Variants in CCDC150 observed in about 807,000 individuals in gnomAD.
CCDC150 encodes coiled-coil domain containing 150, also known as coiled-coil domain-containing protein 150.
Under a neutral mutation model 156.5 loss-of-function variants are expected in CCDC150, and 151 were observed. The ratio of observed to expected loss-of-function variants is 0.97; its 90% CI spans 0.85 to 1.10. CCDC150 has a LOEUF of 1.10. Among genes scored for constraint, CCDC150 ranks in the 50% least tolerant of loss-of-function variants. The pLI, the probability that CCDC150 is intolerant of heterozygous loss-of-function variation, is 0.00. For synonymous variants in CCDC150, 452 were observed against 429.4 expected, an observed-to-expected ratio of 1.05 and a Z score of -0.65; for missense variants, 1,312 against 1,268.1, an observed-to-expected ratio of 1.03 and a Z score of -0.53.
intron 20 of CCDC150, among the ~76,000 whole-genome samples, 196 bp downstream of exon 20, chr2:196,720,864 C>A (rs1042498742): frequency 1.3e-5 from 2 of 152,014 alleles, no homozygotes; most frequent in Non-Finnish European, 2.9e-5. Flanking sequence ...ACCAGTACCA[C>A]AATAATGACT....
intron 2 of CCDC150, among the ~76,000 whole-genome samples, chr2:196,653,634 A>C (rs1209413659): frequency 6.6e-6 from 1 of 152,150 alleles, no homozygotes; most frequent in African/African-American, 2.4e-5. Context: ...TTTCATCACA[A>C]GCACTTAAGT....
intron 17 of CCDC150, 67 bp downstream of exon 17, chr2:196,712,806 C>A: frequency 2.6e-6 from 3 of 1,162,340 alleles, no homozygotes; most frequent in African/African-American, 1.5e-5. Flanking sequence ...TTTCATAGTT[C>A]ACATAATATT....
At chr2:196,683,441 A>G (rs1014335565) in intron 13 of CCDC150, among the ~76,000 whole-genome samples, 2 of 152,044 alleles carry the variant, frequency 1.3e-5, no homozygotes, top group African/African-American at 4.8e-5. Context: ...TTTTGCATCT[A>G]TATTCATAAG....
At chr2:196,645,435 A>G (rs1692481147) in intron 1 of CCDC150, among the ~76,000 whole-genome samples, 1 of 152,200 alleles carries the variant, frequency 6.6e-6, no homozygotes, top group South Asian at 2.1e-4. Context: ...CCCAAGTTGG[A>G]CCCTTGTGAA....
At chr2:196,661,500 A>C (rs1014569161) in intron 5 of CCDC150, among the ~76,000 whole-genome samples, 1 of 152,114 alleles carries the variant, frequency 6.6e-6, no homozygotes, top group African/African-American at 2.4e-5. Context: ...GTCCACCCCA[A>C]TGGCTTCATT....
intron 1 of CCDC150, among the ~76,000 whole-genome samples, chr2:196,643,902 A>G (rs1293511089): frequency 6.6e-6 from 1 of 152,180 alleles, no homozygotes; most frequent in East Asian, 1.9e-4. Context: ...TTTATCTCAC[A>G]TAAGCAGAGT....
chr2:196,640,822 TC>T (rs1384930510), intron 1 of CCDC150, among the ~76,000 whole-genome samples: 1 of 152,246 alleles, frequency 6.6e-6, no homozygotes, highest in Non-Finnish European at 1.5e-5. Flanking sequence ...CTTTTGTTCT[TC>T]CACCATTTGG....
At chr2:196,686,257 C>T (rs1234242411) in intron 13 of CCDC150, 2 of 247,414 alleles carry the variant, frequency 8.1e-6, no homozygotes, top group Non-Finnish European at 1.6e-5. Flanking sequence ...TTATGTCAGG[C>T]TTGGGCTGCC....
chr2:196,646,505 GT>G lies in CCDC150; in HGVS notation c.176+2del. 6.2e-7 allele frequency: 1 copy of G among 1,612,586 alleles called. No homozygotes were observed. Among genetic ancestry groups the G allele is most frequent in the Non-Finnish European group, 8.5e-7 (1 of 1,178,898 alleles). Reference sequence around the variant, plus strand: ...TAATGTTGGATTTTGGTGAAAAAAGGTAACAAAAATGAACTACATCTCTGTA... The same window carrying G: ...TAATGTTGGATTTTGGTGAAAAAAGGAACAAAAATGAACTACATCTCTGTA... On this transcript the variant is annotated splice_donor_variant, in intron 2 of 27. Coordinates refer to ENST00000389175, the MANE Select transcript of CCDC150 (RefSeq NM_001080539.2). LOFTEE classifies it high-confidence loss of function.
chr2:196,661,550 G>A (rs146065255), intron 5 of CCDC150, among the ~76,000 whole-genome samples: 27 of 152,308 alleles, frequency 1.8e-4, no homozygotes, highest in Admixed American at 3.3e-4. Context: ...TCTCCAAATA[G>A]AGTCTCATTG....
intron 13 of CCDC150, among the ~76,000 whole-genome samples, chr2:196,680,970 T>C (rs1369589910): frequency 6.6e-6 from 1 of 152,226 alleles, no homozygotes; most frequent in African/African-American, 2.4e-5. Flanking sequence ...ATTCACATAA[T>C]ATAAAATTAG....
chr2:196,718,406 A>G, intron 17 of CCDC150, 97 bp from the exon 18 acceptor site: 1 of 967,676 alleles, frequency 1.0e-6, no homozygotes, highest in Non-Finnish European at 1.5e-6. Context: ...TAGTGAATAA[A>G]TATATTTAAA....
At chr2:196,664,107 T>C (rs1693708861) in intron 5 of CCDC150, among the ~76,000 whole-genome samples, 1 of 152,186 alleles carries the variant, frequency 6.6e-6, no homozygotes, top group Non-Finnish European at 1.5e-5. Context: ...AAAGTGTGTT[T>C]TTCTACTCTC....
At chr2:196,656,205 G>A (rs2125583284) in intron 2 of CCDC150, among the ~76,000 whole-genome samples, 1 of 152,242 alleles carries the variant, frequency 6.6e-6, no homozygotes, top group African/African-American at 2.4e-5. Context: ...GCCACACTGT[G>A]GGGAATCTTA....
intron 13 of CCDC150, among the ~76,000 whole-genome samples, chr2:196,689,956 G>A (rs375695420): frequency 1.3e-5 from 2 of 152,086 alleles, no homozygotes; most frequent in African/African-American, 4.8e-5. Context: ...TTAGCATGAA[G>A]GGTTGTTGAA....
intron 9 of CCDC150, among the ~76,000 whole-genome samples, chr2:196,673,788 G>A (rs542610848): frequency 2.5e-4 from 38 of 152,220 alleles, no homozygotes; most frequent in African/African-American, 7.0e-4. Flanking sequence ...GATTAATCTC[G>A]TGATGGTAAA....
chr2:196,644,154 G>C (rs1692397812), intron 1 of CCDC150, among the ~76,000 whole-genome samples: 1 of 151,964 alleles, frequency 6.6e-6, no homozygotes, highest in South Asian at 2.1e-4. Flanking sequence ...GCAAACTTCT[G>C]CCCAAAGTCT....
rs1191054836 is a variant in CCDC150 at position 196,689,280 on chromosome 2, G to A, written c.1510-5766G>A. 9.2e-5 allele frequency among the ~76,000 whole-genome samples: 14 copies of A among 152,126 alleles called. No homozygotes were observed. The South Asian group carries it at 1.0e-3, about 11-fold the overall frequency. ...AAAGTAGTTTTTTCCAATTCTGTGA[G>A]GAAAGTCATTGGTAGCTTGATGGGG... On this transcript the variant is annotated intron_variant, in intron 13 of 27. Coordinates refer to ENST00000389175, the MANE Select transcript of CCDC150 (RefSeq NM_001080539.2).
intron 15 of CCDC150, among the ~76,000 whole-genome samples, chr2:196,707,772 G>T (rs1205871589): frequency 6.6e-6 from 1 of 152,194 alleles, no homozygotes; most frequent in Non-Finnish European, 1.5e-5. Context: ...TATTTACCCA[G>T]TAGTCATTCA....
Sources: allele counts gnomAD v4.1 joint callset (sites outside exome capture counted in the v4.1 genomes callset), GRCh38; gene constraint gnomAD v4.1.1; transcripts MANE v1.5; gene names NCBI Gene and HGNC (gene_info 2026-07-23, HGNC 2026-07-21).